The following EPHB1 variants were observed in gnomAD, a reference collection of about 807,000 sequenced individuals.
EPHB1 encodes the protein ephrin type-B receptor 1.
EPHB1 carries 30 observed loss-of-function variants against 94.4 expected under a neutral mutation model. The observed-to-expected ratio is 0.32, with a 90% CI of 0.24 to 0.43. The LOEUF (loss-of-function observed/expected upper bound fraction) is 0.43, where lower values mean the gene tolerates loss of function less well. Ranked by LOEUF, EPHB1 falls within the 20% of genes least tolerant of loss-of-function variation. The pLI is 1.00. For missense variants in EPHB1, 1,055 were observed against 1,308.3 expected, an observed-to-expected ratio of 0.81 and a Z score of 2.99; for synonymous variants, 522 against 489.1, an observed-to-expected ratio of 1.07 and a Z score of -0.89.
intron 3 of EPHB1, among the ~76,000 whole-genome samples, chr3:135,042,506 G>C (rs1936883200): frequency 6.6e-6 from 1 of 152,176 alleles, no homozygotes; most frequent in African/African-American, 2.4e-5. Context: ...TCACTGTTTT[G>C]TGTGAAATTC....
chr3:135,186,821 G>A (rs953913726), intron 10 of EPHB1, among the ~76,000 whole-genome samples: 4 of 152,318 alleles, frequency 2.6e-5, no homozygotes, highest in Admixed American at 2.6e-4. Context: ...GAAACTTGCA[G>A]GGAATAATTT....
At chr3:134,851,977 T>A (rs2036995028) in intron 1 of EPHB1, among the ~76,000 whole-genome samples, 1 of 152,206 alleles carries the variant, frequency 6.6e-6, no homozygotes, top group Non-Finnish European at 1.5e-5. Context: ...TTGCTGAATG[T>A]CTGTTTTGAA....
intron 1 of EPHB1, among the ~76,000 whole-genome samples, chr3:134,803,751 A>G (rs7623063): frequency 0.82 from 124,612 of 152,192 alleles, 51,211 homozygotes; most frequent in East Asian, 0.96. Context: ...AAAGTTTGCC[A>G]AACTCCCTGG....
At chr3:134,844,749 T>A (rs557503631) in intron 1 of EPHB1, among the ~76,000 whole-genome samples, 11 of 152,352 alleles carry the variant, frequency 7.2e-5, no homozygotes, top group Non-Finnish European at 1.3e-4. Flanking sequence ...CTTCTCAGAT[T>A]GTTGAACATC....
chr3:134,803,338 G>A (rs570083042), intron 1 of EPHB1, among the ~76,000 whole-genome samples: 1 of 152,300 alleles, frequency 6.6e-6, no homozygotes, highest in African/African-American at 2.4e-5. Context: ...GAGGCAGGTG[G>A]CCAGAAAGGG....
At chr3:135,178,371 G>A (rs865779376) in intron 9 of EPHB1, among the ~76,000 whole-genome samples, 4 of 149,290 alleles carry the variant, frequency 2.7e-5, no homozygotes, top group South Asian at 2.1e-4. Flanking sequence ...CAGAAGAATC[G>A]CTTGAACCCA....
chr3:134,961,023 T>C (rs1299110658), intron 3 of EPHB1, among the ~76,000 whole-genome samples: 1 of 152,236 alleles, frequency 6.6e-6, no homozygotes, highest in Non-Finnish European at 1.5e-5. Flanking sequence ...TCAGCAGTTA[T>C]GGCCTTCTCC....
In EPHB1 at chr3:135,101,165, C is replaced by T. The variant is rs1303449523; in HGVS notation, c.806-5283C>T. 2.6e-5 allele frequency among the ~76,000 whole-genome samples: 4 copies of T among 152,272 alleles called. No individual in the cohort carries two copies. The East Asian group carries it at 5.8e-4, about 22-fold the overall frequency. The stretch of plus-strand genomic sequence containing the variant: ...TTAATGCGAATACACAGCAAGGTGT[C>T]GGCGGCTCTTCTCTTTCTACCCACC... On this transcript the variant is annotated intron_variant, in intron 3 of 15. Coordinates refer to ENST00000398015, the MANE Select transcript of EPHB1 (RefSeq NM_004441.5).
intron 1 of EPHB1, among the ~76,000 whole-genome samples, chr3:134,865,439 A>T (rs2037353439): frequency 6.6e-6 from 1 of 152,146 alleles, no homozygotes; most frequent in Non-Finnish European, 1.5e-5. Flanking sequence ...ATATCTATCA[A>T]ATTTACAAAT....
At chr3:135,037,036 C>T (rs973437985) in intron 3 of EPHB1, among the ~76,000 whole-genome samples, 2 of 152,128 alleles carry the variant, frequency 1.3e-5, no homozygotes, top group African/African-American at 2.4e-5. Flanking sequence ...GTTCTTTAAT[C>T]AGGCATTCTC....
chr3:134,953,670 G>A (rs1933128404), intron 3 of EPHB1, among the ~76,000 whole-genome samples: 1 of 152,216 alleles, frequency 6.6e-6, no homozygotes, highest in South Asian at 2.1e-4. Flanking sequence ...CACCACACTT[G>A]CTGGCTGGGG....
At chr3:134,964,938 G>A (rs1933671764) in intron 3 of EPHB1, among the ~76,000 whole-genome samples, 1 of 152,064 alleles carries the variant, frequency 6.6e-6, no homozygotes, top group Non-Finnish European at 1.5e-5. Flanking sequence ...TTTTAAAAAT[G>A]AACTCTTTTA....
intron 6 of EPHB1, among the ~76,000 whole-genome samples, chr3:135,161,528 A>C (rs1941506455): frequency 6.6e-6 from 1 of 152,226 alleles, no homozygotes; most frequent in Non-Finnish European, 1.5e-5. Flanking sequence ...GGAGTGATGT[A>C]GAACAGGCAC....
At chr3:134,972,682 T>C (rs1360634141) in intron 3 of EPHB1, among the ~76,000 whole-genome samples, 5 of 151,860 alleles carry the variant, frequency 3.3e-5, no homozygotes, top group Non-Finnish European at 7.4e-5. Flanking sequence ...CAATACTGTG[T>C]GTTATGCTAC....
At chr3:134,885,989 C>T (rs1480574376) in intron 1 of EPHB1, among the ~76,000 whole-genome samples, 1 of 152,176 alleles carries the variant, frequency 6.6e-6, no homozygotes, top group Non-Finnish European at 1.5e-5. Context: ...CCAAGTGATG[C>T]CTCATGGAGC....
intron 3 of EPHB1, among the ~76,000 whole-genome samples, chr3:134,963,302 A>G (rs1933602315): frequency 6.6e-6 from 1 of 152,250 alleles, no homozygotes. Flanking sequence ...ACATATAAGT[A>G]TGGCAAAAAG....
Position 135,241,347 on chromosome 3 carries a change from CA to C in EPHB1, c.2496+53del, listed in dbSNP as rs751032511. ...CCACAAACCCCCATTGAAGGGATCC[CA>C]AAGGCAGTAGCATACCAATTCCTCC... On this transcript the variant is annotated intron_variant, in intron 13 of 15. Coordinates refer to ENST00000398015, the MANE Select transcript of EPHB1 (RefSeq NM_004441.5). 2.1e-5 allele frequency: 33 copies of C among 1,608,048 alleles called. No homozygotes were observed. The African/African-American group carries it at 4.4e-4, about 21-fold the overall frequency.
intron 3 of EPHB1, among the ~76,000 whole-genome samples, chr3:135,082,520 ACCTGGGCTTCCAGACTC>A (rs1312657124): frequency 6.6e-6 from 1 of 152,188 alleles, no homozygotes; most frequent in Admixed American, 6.5e-5. Flanking sequence ...GAGGATCTAT[ACCTGGGCTTCCAGACTC>A]CACATCCTGT....
chr3:135,247,266 A>ATAGT (rs1192099381), intron 13 of EPHB1, among the ~76,000 whole-genome samples: 1 of 152,186 alleles, frequency 6.6e-6, no homozygotes, highest in African/African-American at 2.4e-5. Flanking sequence ...CATGTCTATA[A>ATAGT]TAGTTGGTTT....
Sources: gnomAD v4.1 joint callset for allele counts (sites outside exome capture counted in the v4.1 genomes callset) on GRCh38, gnomAD v4.1.1 for gene constraint, MANE v1.5 for transcripts, NCBI Gene and HGNC (gene_info 2026-07-23, HGNC 2026-07-21) for gene names.